WIPF1: variants seen among roughly 807,000 people sequenced by gnomAD.
WIPF1 encodes the protein WAS/WASL-interacting protein family member 1.
A neutral mutation model predicts 35.4 loss-of-function variants in WIPF1; 13 were observed. That is an observed-to-expected ratio of 0.37 (90% CI 0.24 to 0.58). The LOEUF is 0.58. Ranked by LOEUF, WIPF1 falls within the 20% of genes least tolerant of loss-of-function variation. The pLI is 0.74. For synonymous variants in WIPF1, 267 were observed against 266.3 expected (o/e 1.00, Z -0.02); for missense variants, 591 against 667.0 (o/e 0.89, Z 1.25).
chr2:174,599,485 C>A (rs924766359), upstream of WIPF1, among the ~76,000 whole-genome samples: 1 of 152,136 alleles, frequency 6.6e-6, no homozygotes, highest in Non-Finnish European at 1.5e-5. Context: ...CCCTTGAAGG[C>A]AGGGACCGCC....
intron 4 of WIPF1, 27 bp downstream of exon 4, chr2:174,575,177 A>C: frequency 6.3e-7 from 1 of 1,583,818 alleles, no homozygotes; most frequent in Non-Finnish European, 8.6e-7. Flanking sequence ...GTCTTCAGTC[A>C]CTCAGAGACA....
chr2:174,572,624 T>A (rs2288624), intron 4 of WIPF1, among the ~76,000 whole-genome samples, 178 bp from the exon 5 acceptor site: 18,639 of 152,174 alleles, frequency 0.12, 1,442 homozygotes, highest in African/African-American at 0.21. Flanking sequence ...AAATCGACCA[T>A]AGCTCTATTT....
At chr2:174,638,685 C>T (rs1448039906) in intron 1 of WIPF1, among the ~76,000 whole-genome samples, 4 of 152,038 alleles carry the variant, frequency 2.6e-5, no homozygotes, top group Non-Finnish European at 4.4e-5. Context: ...TCACTTAATA[C>T]GATGTCCTCC....
At position 174,665,883 on chromosome 2, in the gene WIPF1, C is replaced by T. The variant is rs74918974; in HGVS notation, c.-39+16891G>A. ...ATGCAGACACCGTCCCACTTCATGT[C>T]TGTCATTCAAGTGGAGGAATGGGGC... On this transcript the variant is annotated intron_variant, in intron 1 of 8. Transcript: ENST00000272746. Among the ~76,000 whole-genome samples the T allele has an allele frequency of 9.6e-4, 146 of 152,328 alleles. 2 individuals are homozygous for T. The East Asian group carries it at 0.023, about 24-fold the overall frequency.
chr2:174,582,149 G>A (rs1685262107), intron 2 of WIPF1, among the ~76,000 whole-genome samples: 1 of 152,168 alleles, frequency 6.6e-6, no homozygotes, highest in African/African-American at 2.4e-5. Flanking sequence ...AGGTGTTTCT[G>A]ATGTTTAATT....
chr2:174,682,587 C>T (rs1400433282), intron 1 of WIPF1, among the ~76,000 whole-genome samples: 1 of 151,974 alleles, frequency 6.6e-6, no homozygotes, highest in East Asian at 1.9e-4. Flanking sequence ...GCGCCCCTCC[C>T]GAGGCCGCGC....
intron 1 of WIPF1, among the ~76,000 whole-genome samples, chr2:174,674,948 A>ACACATG (rs576751803): frequency 6.8e-6 from 1 of 147,082 alleles, no homozygotes; most frequent in African/African-American, 2.5e-5. Context: ...ACACACACAC[A>ACACATG]GATGTTCCAG....
intron 1 of WIPF1, among the ~76,000 whole-genome samples, chr2:174,667,848 C>T (rs1309296422): frequency 6.6e-6 from 1 of 152,174 alleles, no homozygotes; most frequent in East Asian, 1.9e-4. Flanking sequence ...CTCTTCCTGC[C>T]CTCCTCCTGC....
chr2:174,678,775 G>C (rs1407240984), intron 1 of WIPF1, among the ~76,000 whole-genome samples: 11 of 152,258 alleles, frequency 7.2e-5, no homozygotes, highest in Admixed American at 6.5e-4. Flanking sequence ...CAACAGAGTA[G>C]GTTTTCCTGG....
At chr2:174,637,731 G>T (rs1687215042) in intron 1 of WIPF1, among the ~76,000 whole-genome samples, 1 of 152,234 alleles carries the variant, frequency 6.6e-6, no homozygotes, top group South Asian at 2.1e-4. Flanking sequence ...AGCTTGCAGT[G>T]AGTCGAGATT....
chr2:174,682,006 C>G (rs1281641536), intron 1 of WIPF1, among the ~76,000 whole-genome samples: 3 of 152,204 alleles, frequency 2.0e-5, no homozygotes, highest in Non-Finnish European at 4.4e-5. Context: ...AGCTGCTTTC[C>G]CTTACACTCA....
intron 1 of WIPF1, among the ~76,000 whole-genome samples, chr2:174,643,610 A>G (rs1365752733): frequency 1.4e-5 from 2 of 142,590 alleles, no homozygotes; most frequent in African/African-American, 6.1e-5. Context: ...CGGGTTTTGC[A>G]TGTTGGCTAT....
rs562707882 is a variant in WIPF1 at position 174,631,903 on chromosome 2, G to T, written c.-38-46292C>A. ...CTCAGACATCTGTGGATGTCGACCC[G>T]CAGTGCCACTCTGGTATTATCTGGG... On this transcript the variant is annotated intron_variant, in intron 1 of 8. Transcript: ENST00000272746. Among the ~76,000 whole-genome samples, 23 of 152,240 alleles carry T rather than the reference G, an allele frequency of 1.5e-4. No individual in the cohort carries two copies. In the South Asian group the frequency reaches 4.8e-3, roughly 32 times the overall value.
chr2:174,667,686 G>A (rs1042743845), intron 1 of WIPF1, among the ~76,000 whole-genome samples: 10 of 152,194 alleles, frequency 6.6e-5, no homozygotes, highest in Admixed American at 6.5e-5. Flanking sequence ...CAGCCTTTCC[G>A]GGAGGGGCTT....
At chr2:174,644,518 T>C (rs1238842310) in intron 1 of WIPF1, among the ~76,000 whole-genome samples, 1 of 148,352 alleles carries the variant, frequency 6.7e-6, no homozygotes, top group African/African-American at 2.5e-5. Context: ...AGGAACCCAC[T>C]GGCTATGACA....
Position 174,562,480 on chromosome 2 carries a change from G to T in WIPF1, c.*67C>A. The T allele has an allele frequency of 6.2e-7, 1 of 1,611,246 alleles. No individual in the cohort carries two copies. ...GGCACAAGGGAAGAAGCAGGGAGGAGGGTATGCAGTTCTTAGATAGCAACA... is the reference window on the plus strand; with the variant it reads ...GGCACAAGGGAAGAAGCAGGGAGGATGGTATGCAGTTCTTAGATAGCAACA... On this transcript the variant is annotated 3_prime_UTR_variant, in exon 8 of 8. Coordinates refer to ENST00000679041, the MANE Select transcript of WIPF1 (RefSeq NM_001375834.1).
chr2:174,604,960 C>A (rs1460095456), intron 1 of WIPF1, among the ~76,000 whole-genome samples: 1 of 152,132 alleles, frequency 6.6e-6, no homozygotes, highest in Non-Finnish European at 1.5e-5. Context: ...ACTTTTGAAC[C>A]AAGGAGATGT....
chr2:174,609,338 G>C (rs568595098), intron 1 of WIPF1, among the ~76,000 whole-genome samples: 2 of 151,960 alleles, frequency 1.3e-5, no homozygotes, highest in Non-Finnish European at 2.9e-5. Context: ...TGTATTTTCC[G>C]GTAATGCAAA....
Position 174,629,865 on chromosome 2 carries a change from T to C in WIPF1, c.-38-44254A>G, listed in dbSNP as rs569028203. 4 of 152,352 alleles carry C rather than the reference T, an allele frequency of 2.6e-5. No homozygotes were observed. In the South Asian group the frequency reaches 6.2e-4, roughly 24 times the overall value. The allele number at this position is 152,352 out of a possible 1,614,324, so 9.4% of individuals were successfully genotyped here. ...AAGGACGACCAAATCTATCCATTGT[T>C]GGCCTGGAAATCAAAGAAGACATTC... is the stretch of plus-strand genomic sequence containing the variant. On this transcript the variant is annotated intron_variant, in intron 1 of 8. Transcript: ENST00000272746.
Sources: allele counts gnomAD v4.1 joint callset (sites outside exome capture counted in the v4.1 genomes callset), GRCh38; gene constraint gnomAD v4.1.1; transcripts MANE v1.5; gene names NCBI Gene and HGNC (gene_info 2026-07-23, HGNC 2026-07-21).